Variants in SUPT3H observed in about 807,000 individuals in gnomAD.
SUPT3H encodes transcription initiation protein SPT3 homolog.
A neutral mutation model predicts 44.3 loss-of-function variants in SUPT3H; 44 were observed. The ratio of observed to expected loss-of-function variants is 0.99; its 90% CI spans 0.78 to 1.28. The LOEUF is 1.28. SUPT3H is among the 50% of genes most tolerant of loss of function. The probability of loss-of-function intolerance (pLI) is 0.00; values close to 1 mark genes in which losing one functional copy is unlikely to be tolerated. For synonymous variants in SUPT3H, 124 were observed against 125.6 expected, an observed-to-expected ratio of 0.99 and a Z score of 0.09; for missense variants, 380 against 387.1, an observed-to-expected ratio of 0.98 and a Z score of 0.15.
At chr6:45,061,921 G>C (rs1385830685) in intron 3 of SUPT3H, among the ~76,000 whole-genome samples, 5 of 100,412 alleles carry the variant, frequency 5.0e-5, no homozygotes, top group Non-Finnish European at 7.7e-5. Context: ...TTTTGGCAAA[G>C]ACTCAAATTC....
chr6:44,809,769 A>G (rs1044499576), intron 11 of SUPT3H, among the ~76,000 whole-genome samples: 1 of 152,170 alleles, frequency 6.6e-6, no homozygotes, highest in African/African-American at 2.4e-5. Flanking sequence ...CCTCTTAAAT[A>G]ACAGATTTCA....
chr6:44,826,434 T>C (rs978089709), downstream of SUPT3H, among the ~76,000 whole-genome samples: 4 of 152,260 alleles, frequency 2.6e-5, no homozygotes, highest in Non-Finnish European at 5.9e-5. Context: ...TTCAACTTGA[T>C]GCCCTTAGAT....
chr6:45,143,431 T>A (rs1805556785), intron 2 of SUPT3H, among the ~76,000 whole-genome samples: 1 of 152,036 alleles, frequency 6.6e-6, no homozygotes, highest in African/African-American at 2.4e-5. Context: ...ATATAGAAAT[T>A]AAATAATCTG....
chr6:44,851,397 C>T (rs572492956), intron 10 of SUPT3H, among the ~76,000 whole-genome samples: 2 of 152,206 alleles, frequency 1.3e-5, no homozygotes, highest in South Asian at 4.2e-4. Context: ...TTCATATTCA[C>T]CACAATTATG....
chr6:44,924,300 C>A (rs891224882), intron 10 of SUPT3H, among the ~76,000 whole-genome samples: 3 of 151,952 alleles, frequency 2.0e-5, no homozygotes, highest in African/African-American at 7.3e-5. Flanking sequence ...CAATGCTGTG[C>A]AATTAAAAAT....
chr6:44,890,006 C>G (rs13201202), intron 10 of SUPT3H, among the ~76,000 whole-genome samples: 2 of 147,958 alleles, frequency 1.4e-5, no homozygotes, highest in African/African-American at 4.9e-5. Flanking sequence ...ACACATGAAA[C>G]AATGCTCACC....
At chr6:45,166,083 AG>A (rs1203430968) in intron 2 of SUPT3H, among the ~76,000 whole-genome samples, 1 of 152,184 alleles carries the variant, frequency 6.6e-6, no homozygotes, top group Non-Finnish European at 1.5e-5. Context: ...ACTTGAGCCC[AG>A]GAATTCAAGA....
intron 6 of SUPT3H, among the ~76,000 whole-genome samples, chr6:44,967,256 T>C (rs531715261): frequency 3.9e-5 from 6 of 152,348 alleles, no homozygotes; most frequent in African/African-American, 1.4e-4. Flanking sequence ...TGGTGACTAG[T>C]TGCTTTTCTC....
At chr6:45,056,867 A>G (rs1300229176) in intron 3 of SUPT3H, among the ~76,000 whole-genome samples, 3 of 152,170 alleles carry the variant, frequency 2.0e-5, no homozygotes, top group Non-Finnish European at 1.5e-5. Context: ...AAAAAGTTCC[A>G]GTCTTAAACA....
At chr6:45,019,311 T>C (rs1049004991) in intron 4 of SUPT3H, among the ~76,000 whole-genome samples, 2 of 152,092 alleles carry the variant, frequency 1.3e-5, no homozygotes. Context: ...CCTGGATTCA[T>C]TAATTTTTTG....
intron 2 of SUPT3H, among the ~76,000 whole-genome samples, chr6:45,361,096 C>A (rs1453264248): frequency 2.0e-5 from 3 of 151,958 alleles, no homozygotes; most frequent in East Asian, 3.9e-4. Flanking sequence ...ACATAGAGAC[C>A]CCATCTCAAA....
At chr6:45,238,984 G>T (rs1198326223) in intron 2 of SUPT3H, among the ~76,000 whole-genome samples, 1 of 152,166 alleles carries the variant, frequency 6.6e-6, no homozygotes, top group East Asian at 1.9e-4. Flanking sequence ...TGCTGAGAAT[G>T]TTTTTACAGA....
rs534096832 is a variant in SUPT3H, at chr6:45,063,339, C to G, written c.186+42583G>C. On this transcript the variant is annotated intron_variant, in intron 3 of 10. Coordinates refer to ENST00000371459, the MANE Select transcript of SUPT3H (RefSeq NM_003599.4). The stretch of plus-strand genomic sequence containing the variant: ...TCACCATCATCAAAGACCAAAAGTA[C>G]ATAAAACCACAAAGATGGGGAAAAA... 8.9e-3 allele frequency among the ~76,000 whole-genome samples: 1,344 copies of G among 151,102 alleles called. 16 individuals carry two copies. Among genetic ancestry groups the G allele is most frequent in the South Asian group, 0.024 (114 of 4,768 alleles).
intron 2 of SUPT3H, among the ~76,000 whole-genome samples, chr6:45,148,025 C>T (rs1806358939): frequency 6.6e-6 from 1 of 151,990 alleles, no homozygotes; most frequent in Non-Finnish European, 1.5e-5. Flanking sequence ...ACAGGTAAAG[C>T]AAAGCATCAC....
intron 2 of SUPT3H, among the ~76,000 whole-genome samples, chr6:45,258,430 C>T (rs558257536): frequency 1.9e-4 from 29 of 152,094 alleles, no homozygotes; most frequent in Non-Finnish European, 3.5e-4. Flanking sequence ...CAGGGCTCTT[C>T]GAGAAAGGTA....
At position 45,231,039 on chromosome 6, in the gene SUPT3H, G is replaced by A. The variant is rs116692152; in HGVS notation, c.102-125033C>T. ...TTATGGATATGAAAGGTTTTTCCCC[G>A]TCACCTTGTTAACTGTTGTTTAGTT... On this transcript the variant is annotated intron_variant, in intron 2 of 10. Transcript: ENST00000371459. Among the ~76,000 whole-genome samples, 1,194 of 152,100 alleles carry A rather than the reference G, an allele frequency of 7.9e-3. 21 individuals are homozygous for A. Among genetic ancestry groups the A allele is most frequent in the African/African-American group, 0.026 (1,094 of 41,480 alleles).
At chr6:44,974,101 C>A (rs1777976995) in intron 6 of SUPT3H, among the ~76,000 whole-genome samples, 1 of 152,080 alleles carries the variant, frequency 6.6e-6, no homozygotes, top group Non-Finnish European at 1.5e-5. Flanking sequence ...GTGCTGCAAT[C>A]TGAAATGAGA....
intron 10 of SUPT3H, among the ~76,000 whole-genome samples, chr6:44,852,241 T>C (rs1233957623): frequency 2.6e-5 from 4 of 152,206 alleles, no homozygotes; most frequent in Admixed American, 2.6e-4. Context: ...ACTAGTCACC[T>C]TTTCCAGTTT....
rs778589633 is a variant in SUPT3H at position 45,085,446 on chromosome 6, A to G, written c.186+20476T>C. ...TACCTGTTTTGTTTCTCCTTTTTTT[A>G]CATCTGACAAAGTTCCTTTCAGACC... On this transcript the variant is annotated intron_variant, in intron 3 of 10. Coordinates refer to ENST00000371459, the MANE Select transcript of SUPT3H (RefSeq NM_003599.4). 2.0e-5 allele frequency among the ~76,000 whole-genome samples: 3 copies of G among 152,184 alleles called. No homozygotes were observed. In the South Asian group the frequency reaches 6.2e-4, roughly 32 times the overall value.
Sources: allele counts gnomAD v4.1 joint callset (sites outside exome capture counted in the v4.1 genomes callset), GRCh38; gene constraint gnomAD v4.1.1; transcripts MANE v1.5; gene names NCBI Gene and HGNC (gene_info 2026-07-23, HGNC 2026-07-21).